Variants in STRIT1 observed in about 807,000 individuals in gnomAD.
STRIT1 encodes the protein small transmembrane regulator of ion transport 1.
chr3:155,293,278 T>A (rs951277603), intron 1 of STRIT1, among the ~76,000 whole-genome samples: 11 of 152,176 alleles, frequency 7.2e-5, no homozygotes, highest in South Asian at 6.2e-4. Context: ...ACATAGCCAT[T>A]TACTAGCAGG....
intron 1 of STRIT1, 23 bp from the exon 2 acceptor site, chr3:155,291,061 CAG>C (rs1184077788): frequency 7.5e-6 from 3 of 398,398 alleles, no homozygotes; most frequent in Non-Finnish European, 8.9e-6. Context: ...CCGTAGAAAA[CAG>C]ATTATATTGG....
At chr3:155,292,420 A>AT (rs151250269) in intron 1 of STRIT1, among the ~76,000 whole-genome samples, 1 of 152,112 alleles carries the variant, frequency 6.6e-6, no homozygotes, top group African/African-American at 2.4e-5. Flanking sequence ...CATAGCAGTA[A>AT]TTTTTTTGAA....
At chr3:155,291,999 G>C (rs780004917) in intron 1 of STRIT1, among the ~76,000 whole-genome samples, 1 of 152,140 alleles carries the variant, frequency 6.6e-6, no homozygotes, top group Non-Finnish European at 1.5e-5. Context: ...TTAGTTAAAA[G>C]AGAGAATGCA....
intron 1 of STRIT1, among the ~76,000 whole-genome samples, chr3:155,292,697 G>A (rs1391764485): frequency 6.6e-6 from 1 of 152,030 alleles, no homozygotes; most frequent in East Asian, 1.9e-4. Flanking sequence ...GAATTGTTTG[G>A]AAGTAGAAAT....
intron 1 of STRIT1, among the ~76,000 whole-genome samples, chr3:155,293,203 GC>G (rs1559995048): frequency 6.6e-6 from 1 of 152,062 alleles, no homozygotes; most frequent in African/African-American, 2.4e-5. Context: ...AGATGCCTGA[GC>G]CCAATATTCT....
At chr3:155,291,606 T>C (rs530167478) in intron 1 of STRIT1, among the ~76,000 whole-genome samples, 44 of 152,302 alleles carry the variant, frequency 2.9e-4, no homozygotes, top group African/African-American at 9.9e-4. Flanking sequence ...TCATACATTA[T>C]GTAACCATTC....
chr3:155,292,554 G>A (rs1055980031), intron 1 of STRIT1, among the ~76,000 whole-genome samples: 1 of 151,924 alleles, frequency 6.6e-6, no homozygotes, highest in Non-Finnish European at 1.5e-5. Context: ...ATATCACAAA[G>A]CCCTAAAAGT....
chr3:155,293,368 A>G (rs1359080862), intron 1 of STRIT1, among the ~76,000 whole-genome samples: 3 of 152,108 alleles, frequency 2.0e-5, no homozygotes, highest in Non-Finnish European at 4.4e-5. Context: ...ACCTTTCAAA[A>G]TAAGTATTAA....
chr3:155,291,072 G>T (rs1163901767), intron 1 of STRIT1, 34 bp from the exon 2 acceptor site: 2 of 398,038 alleles, frequency 5.0e-6, no homozygotes, highest in African/African-American at 4.1e-5. Context: ...AGATTATATT[G>T]GTCATTTTCA....
intron 1 of STRIT1, among the ~76,000 whole-genome samples, chr3:155,292,198 G>C (rs950327738): frequency 6.6e-6 from 1 of 152,114 alleles, no homozygotes. Flanking sequence ...AAGAATGCTA[G>C]AGTCTCTCTT....
chr3:155,291,510 A>T (rs1715637053), intron 1 of STRIT1, among the ~76,000 whole-genome samples: 1 of 152,210 alleles, frequency 6.6e-6, no homozygotes, highest in African/African-American at 2.4e-5. Context: ...AAAGTAAATA[A>T]TTATAACACA....
At chr3:155,292,876 G>T (rs1715668858) in intron 1 of STRIT1, among the ~76,000 whole-genome samples, 2 of 152,090 alleles carry the variant, frequency 1.3e-5, no homozygotes, top group African/African-American at 4.8e-5. Flanking sequence ...CTGTGCTCTG[G>T]AAAAGACTGT....
chr3:155,291,285 C>A (rs2291356), intron 1 of STRIT1: 8,786 of 307,772 alleles, frequency 0.029, 336 homozygotes, highest in East Asian at 0.12. Context: ...CTTGAACTTT[C>A]CTACTGGTAA....
At position 155,293,644 on chromosome 3, in the gene STRIT1, G is replaced by T. The variant is rs1487921728; in HGVS notation, c.-12C>A. The T allele has an allele frequency of 5.0e-6, 2 of 397,186 alleles. No homozygotes were observed. Among genetic ancestry groups the T allele is most frequent in the Non-Finnish European group, 8.9e-6 (2 of 225,654 alleles). 24.6% of individuals were successfully genotyped at this position (397,186 alleles called of 1,614,324 possible). A position where few individuals can be genotyped will look rare whatever the true frequency, so the allele number is the denominator to read the frequency against. On this transcript the variant is annotated 5_prime_UTR_variant, in exon 1 of 3. Coordinates refer to ENST00000489090, the MANE Select transcript of STRIT1 (RefSeq NM_001352129.2). ...CCTTTTTCAGCCATTATTCCTGTTG[G>T]TGGGTGGCTAGGTCAGGCCACGCTT...
chr3:155,293,341 G>A (rs1313566735), intron 1 of STRIT1, among the ~76,000 whole-genome samples: 1 of 151,986 alleles, frequency 6.6e-6, no homozygotes, highest in Non-Finnish European at 1.5e-5. Context: ...GAAATCAGGA[G>A]AACTGATTTC....
chr3:155,291,871 C>A (rs1224193373), intron 1 of STRIT1, among the ~76,000 whole-genome samples: 1 of 152,090 alleles, frequency 6.6e-6, no homozygotes, highest in East Asian at 1.9e-4. Context: ...GAAATCCACA[C>A]CTACATCACA....
rs1715693377 is a variant in STRIT1 at position 155,293,666 on chromosome 3, G to A, written c.-34C>T. The A allele has an allele frequency of 7.6e-6, 3 of 396,990 alleles. No individual in the cohort carries two copies. Among genetic ancestry groups the A allele is most frequent in the East Asian group, 7.2e-5 (2 of 27,964 alleles). The allele number at this position is 396,990 out of a possible 1,614,324, so 24.6% of individuals were successfully genotyped here. ...TTGGTGGGTGGCTAGGTCAGGCCAC[G>A]CTTACCTCTTTCTTTTGTTATCCAG... On this transcript the variant is annotated 5_prime_UTR_variant, in exon 1 of 3. Transcript: ENST00000489090.
intron 1 of STRIT1, among the ~76,000 whole-genome samples, chr3:155,292,762 G>T (rs1202977181): frequency 6.6e-6 from 1 of 152,058 alleles, no homozygotes; most frequent in Non-Finnish European, 1.5e-5. Context: ...GCACAAATAA[G>T]AACAAAACAT....
intron 1 of STRIT1, among the ~76,000 whole-genome samples, chr3:155,292,061 A>G (rs2108434939): frequency 6.6e-6 from 1 of 152,306 alleles, no homozygotes; most frequent in South Asian, 2.1e-4. Context: ...TAAAATGTGA[A>G]ATTTTTAAAA....
Sources: allele counts gnomAD v4.1 joint callset (sites outside exome capture counted in the v4.1 genomes callset), GRCh38; gene constraint gnomAD v4.1.1; transcripts MANE v1.5; gene names NCBI Gene and HGNC (gene_info 2026-07-23, HGNC 2026-07-21).